The following ZNF71 variants were observed in gnomAD, a reference collection of about 807,000 sequenced individuals.
ZNF71 encodes zinc finger protein 71, also known as endothelial zinc finger protein induced by tumor necrosis factor alpha.
ZNF71 carries 3 observed loss-of-function variants against 6.7 expected under a neutral mutation model. That is an observed-to-expected ratio of 0.45 (90% CI 0.20 to 1.16). ZNF71 has a LOEUF of 1.16. Among genes scored for constraint, ZNF71 ranks in the 50% most tolerant of loss-of-function variants. The pLI is 0.25. For missense variants in ZNF71, 688 were observed against 728.6 expected (o/e 0.94, Z 0.64); for synonymous variants, 343 against 311.1 (o/e 1.10, Z -1.08).
chr19:56,611,735 A>G (rs2044753562), intron 2 of ZNF71, among the ~76,000 whole-genome samples: 1 of 152,252 alleles, frequency 6.6e-6, no homozygotes, highest in South Asian at 2.1e-4. Context: ...GCTGTAAATA[A>G]GTACCACAGA....
chr19:56,621,800 G>A lies in ZNF71; in HGVS notation c.693G>A (p.Ser231=), dbSNP rs147869247. 21 of 1,613,822 alleles carry A rather than the reference G, an allele frequency of 1.3e-5. No individual in the cohort carries two copies. Among genetic ancestry groups the A allele is most frequent in the Non-Finnish European group, 1.5e-5 (18 of 1,179,982 alleles). The change falls in exon 4 of 4, where the codon TCG becomes TCA. Residue 231 remains serine (S), a synonymous_variant. Coordinates refer to ENST00000599599, the MANE Select transcript of ZNF71 (RefSeq NM_001370215.1). ...DTCGKHFIER[S]SLTIHQRVHT... ...GTGGGAAGCACTTCATCGAGCGCTC[G>A]TCCCTCACCATCCACCAGCGGGTGC...
intron 2 of ZNF71, among the ~76,000 whole-genome samples, chr19:56,612,472 C>T (rs144727935): frequency 5.3e-5 from 8 of 152,232 alleles, no homozygotes; most frequent in Non-Finnish European, 7.3e-5. Context: ...ATGTCTTTTA[C>T]AGCAACTTAG....
At position 56,618,377 on chromosome 19, in the gene ZNF71, C is replaced by T. The variant is rs2044814192; in HGVS notation, c.161-2891C>T. ...TCTCCAGAGATCCGTGCAAATTGTT[C>T]AGCACTGTGCCAGGCGTGTTGCCAG... On this transcript the variant is annotated intron_variant, in intron 3 of 3. Transcript: ENST00000599599. The surrounding 1 kb of genome is among the most constrained non-coding windows in gnomAD (Gnocchi z 4.6). Among the ~76,000 whole-genome samples the T allele has an allele frequency of 6.6e-6, 1 of 152,208 alleles. No individual in the cohort carries two copies. Among genetic ancestry groups the T allele is most frequent in the Non-Finnish European group, 1.5e-5 (1 of 68,042 alleles).
At chr19:56,602,522 G>A (rs1011127226) in intron 2 of ZNF71, among the ~76,000 whole-genome samples, 1 of 152,198 alleles carries the variant, frequency 6.6e-6, no homozygotes, top group Admixed American at 6.5e-5. Flanking sequence ...ATGATAAATG[G>A]ATATAAATGA....
At chr19:56,600,106 T>G (rs948013101) in intron 1 of ZNF71, among the ~76,000 whole-genome samples, 1 of 147,888 alleles carries the variant, frequency 6.8e-6, no homozygotes, top group Non-Finnish European at 1.5e-5. Flanking sequence ...GTTTTTTTTT[T>G]TTTTTTTTGA....
chr19:56,602,742 G>A (rs988801693), intron 2 of ZNF71, among the ~76,000 whole-genome samples: 3 of 152,312 alleles, frequency 2.0e-5, no homozygotes, highest in East Asian at 1.9e-4. Context: ...GCAAATGTGT[G>A]TGTGTAAATA....
intron 1 of ZNF71, among the ~76,000 whole-genome samples, chr19:56,597,383 C>A (rs1336956621): frequency 6.6e-6 from 1 of 152,148 alleles, no homozygotes; most frequent in Non-Finnish European, 1.5e-5. Flanking sequence ...GGAAACAATT[C>A]AAAGGAAGAG....
At chr19:56,608,043 G>A (rs565681880) in intron 2 of ZNF71, among the ~76,000 whole-genome samples, 107 of 152,308 alleles carry the variant, frequency 7.0e-4, no homozygotes, top group Middle Eastern at 3.4e-3. Context: ...GGAAAAAGAG[G>A]GAGTGTGCCC....
At chr19:56,605,896 A>C (rs1342175736) in intron 2 of ZNF71, among the ~76,000 whole-genome samples, 2 of 152,190 alleles carry the variant, frequency 1.3e-5, no homozygotes, top group Non-Finnish European at 2.9e-5. Context: ...TGCCAGCTAG[A>C]TTGGTATTAT....
In ZNF71 at chr19:56,618,903, T is replaced by A. The variant is rs570498110; in HGVS notation, c.161-2365T>A. Among the ~76,000 whole-genome samples, 1 of 151,034 alleles carries A rather than the reference T, an allele frequency of 6.6e-6. No individual in the cohort carries two copies. The highest frequency in any genetic ancestry group is 1.5e-5 in the Non-Finnish European group (1 of 67,764). On this transcript the variant is annotated intron_variant, in intron 3 of 3. Coordinates refer to ENST00000599599, the MANE Select transcript of ZNF71 (RefSeq NM_001370215.1). This position sits in a 1 kb window ranked among gnomAD's most constrained non-coding sequence, Gnocchi z 4.6. The stretch of plus-strand genomic sequence containing the variant: ...TCAGAAGACCGCACTCCCGGAGGAG[T>A]GGAGGACGCATTGCAGGGGTGAGAA...
rs867895755 is a variant in ZNF71 at position 56,617,079 on chromosome 19, G to A, written c.160+3141G>A. 1.3e-4 allele frequency among the ~76,000 whole-genome samples: 20 copies of A among 151,458 alleles called. No individual in the cohort carries two copies. In the South Asian group the frequency reaches 4.0e-3, roughly 30 times the overall value. On this transcript the variant is annotated intron_variant, in intron 3 of 3. Coordinates refer to ENST00000599599, the MANE Select transcript of ZNF71 (RefSeq NM_001370215.1). ...TATAAACCAAACTGTTAACTCTGGT[G>A]AGTAAGATTACAGGAGACTTCCATT...
chr19:56,601,275 G>A (rs1385669994), intron 1 of ZNF71, among the ~76,000 whole-genome samples: 1 of 152,106 alleles, frequency 6.6e-6, no homozygotes, highest in Non-Finnish European at 1.5e-5. Context: ...TGTGAAATGG[G>A]TAGGTAGAAG....
chr19:56,615,606 C>G (rs934111253), intron 3 of ZNF71, among the ~76,000 whole-genome samples: 1 of 146,424 alleles, frequency 6.8e-6, no homozygotes, highest in Admixed American at 6.9e-5. Context: ...TGAAAGTTCA[C>G]TATGTATTCT....
chr19:56,599,259 C>T (rs912477783), intron 1 of ZNF71, among the ~76,000 whole-genome samples: 27 of 152,144 alleles, frequency 1.8e-4, no homozygotes, highest in African/African-American at 6.5e-4. Flanking sequence ...TCTCAGACTC[C>T]AAGAATTTGT....
At chr19:56,608,910 A>T (rs1202139138) in intron 2 of ZNF71, among the ~76,000 whole-genome samples, 7 of 152,218 alleles carry the variant, frequency 4.6e-5, no homozygotes, top group Non-Finnish European at 1.0e-4. Flanking sequence ...AGCTCTGCAT[A>T]ATCTTGTAAT....
At chr19:56,596,247 C>T (rs1334995617) in intron 1 of ZNF71, among the ~76,000 whole-genome samples, 1 of 151,966 alleles carries the variant, frequency 6.6e-6, no homozygotes, top group African/African-American at 2.4e-5. Context: ...AGGGGCCAGT[C>T]CTGTCTGGAT....
At chr19:56,596,332 G>A (rs760929527) in intron 1 of ZNF71, among the ~76,000 whole-genome samples, 10 of 152,216 alleles carry the variant, frequency 6.6e-5, no homozygotes, top group South Asian at 2.1e-4. Flanking sequence ...AGGGGTGGGT[G>A]CGTCTGGGTG....
rs1357244863 is a variant in ZNF71, at chr19:56,598,481, A to G, written c.-52-3026A>G. Among the ~76,000 whole-genome samples, 1 of 152,180 alleles carries G rather than the reference A, an allele frequency of 6.6e-6. No homozygotes were observed. The highest frequency in any genetic ancestry group is 1.9e-4 in the East Asian group (1 of 5,182). On this transcript the variant is annotated intron_variant, in intron 1 of 3. Coordinates refer to ENST00000599599, the MANE Select transcript of ZNF71 (RefSeq NM_001370215.1). The surrounding 1 kb of genome is among the most constrained non-coding windows in gnomAD (Gnocchi z 4.2). ...GAGGACATTTTCACTGAGTGATTAC[A>G]GTTGGCCAGGTGTGGTGCCCGGGTA...
intron 3 of ZNF71, among the ~76,000 whole-genome samples, chr19:56,616,803 T>C (rs1209660364): frequency 6.6e-6 from 1 of 152,180 alleles, no homozygotes; most frequent in Non-Finnish European, 1.5e-5. Context: ...CAATTTACCT[T>C]TCCTTTGTCA....
Sources: allele counts gnomAD v4.1 joint callset (sites outside exome capture counted in the v4.1 genomes callset), GRCh38; gene constraint gnomAD v4.1.1; non-coding constraint Gnocchi (gnomAD v3.1); transcripts MANE v1.5; gene names NCBI Gene and HGNC (gene_info 2026-07-23, HGNC 2026-07-21).